The following KAT14 variants were observed in gnomAD, a reference collection of about 807,000 sequenced individuals.
KAT14 encodes cysteine-rich protein 2-binding protein.
A neutral mutation model predicts 78.4 loss-of-function variants in KAT14; 66 were observed. The ratio of observed to expected loss-of-function variants is 0.84; its 90% confidence interval spans 0.69 to 1.03. KAT14 has a LOEUF of 1.03. KAT14 is among the 50% of genes least tolerant of loss of function. KAT14 has a pLI of 0.00. For synonymous variants in KAT14, 344 were observed against 359.4 expected, an observed-to-expected ratio of 0.96 and a Z score of 0.48; for missense variants, 870 against 972.5, an observed-to-expected ratio of 0.89 and a Z score of 1.40.
rs143644770 is a variant in KAT14, at chr20:18,185,336, G to T, written c.2172+544G>T. 8.8e-4 allele frequency among the ~76,000 whole-genome samples: 134 copies of T among 152,006 alleles called. 1 individual carries two copies. Among genetic ancestry groups the T allele is most frequent in the Non-Finnish European group, 9.9e-4 (67 of 67,970 alleles). ...GTGATTTTCCCGCCTCAGCCTTCTG[G>T]GTAGCCAGGACCACAGGTGCACACT... On this transcript the variant is annotated intron_variant, in intron 10 of 10. Transcript: ENST00000688188.
At chr20:18,184,177 G>A (rs1568676258) in intron 9 of KAT14, among the ~76,000 whole-genome samples, 2 of 152,144 alleles carry the variant, frequency 1.3e-5, no homozygotes, top group South Asian at 2.1e-4. Context: ...TATATGTGTG[G>A]GGGGTAAAGG....
intron 7 of KAT14, among the ~76,000 whole-genome samples, chr20:18,169,885 A>G (rs1370198792): frequency 6.6e-6 from 1 of 152,220 alleles, no homozygotes; most frequent in Non-Finnish European, 1.5e-5. Flanking sequence ...CAACTGATAA[A>G]AAATCGAAGT....
chr20:18,161,842 T>C lies in KAT14; in HGVS notation c.702T>C (p.Asp234=). The C allele has an allele frequency of 6.2e-7, 1 of 1,613,490 alleles. No homozygotes were observed. Among genetic ancestry groups the C allele is most frequent in the Non-Finnish European group, 8.5e-7 (1 of 1,179,876 alleles). ...TAGCAGCCTCAAAACCAACTTTAGA[T>C]CCCATCATTACTGTTGAGGGACTTA... ...LKIKASKPTL[D]PIITVEGLRK... The change falls in exon 6 of 11, where the codon GAT becomes GAC. Residue 234 remains aspartate (D), a synonymous_variant. Coordinates refer to ENST00000688188, the MANE Select transcript of KAT14 (RefSeq NM_001392073.1).
intron 4 of KAT14, among the ~76,000 whole-genome samples, chr20:18,151,245 A>G (rs1012538949): frequency 2.0e-5 from 3 of 151,836 alleles, no homozygotes; most frequent in African/African-American, 7.3e-5. Flanking sequence ...CCCCCAGGCT[A>G]GAGTGCAGTG....
At chr20:18,170,557 C>T (rs534766285) in intron 7 of KAT14, among the ~76,000 whole-genome samples, 80 of 152,270 alleles carry the variant, frequency 5.3e-4, no homozygotes, top group African/African-American at 1.5e-3. Flanking sequence ...TTTTTTGAGA[C>T]GGAGTCTTGC....
rs751009885 is a variant in KAT14 at position 18,161,861 on chromosome 20, G to T, written c.721G>T (p.Gly241Ter). 6.2e-7 allele frequency: 1 copy of T among 1,614,060 alleles called. No individual in the cohort carries two copies. The highest frequency in any genetic ancestry group is 1.1e-5 in the South Asian group (1 of 91,076). ...PTLDPIITVEGLRKRASRNPV... is the reference protein window; with the variant it reads ...PTLDPIITVE ...TTTAGATCCCATCATTACTGTTGAG[G>T]GACTTAGAAAACGAGCAAGTCGGAA... The change falls in exon 6 of 11, where the codon GGA becomes TGA. Residue 241 changes from glycine to a stop codon, truncating the protein, a stop_gained. Transcript: ENST00000688188. LOFTEE classifies it high-confidence loss of function.
At chr20:18,150,281 G>C (rs1185947865) in intron 3 of KAT14, among the ~76,000 whole-genome samples, 3 of 152,194 alleles carry the variant, frequency 2.0e-5, no homozygotes, top group African/African-American at 7.2e-5. Flanking sequence ...CGAGTAGATA[G>C]ATGGCATGTA....
chr20:18,140,272 C>A (rs995443332), intron 1 of KAT14, among the ~76,000 whole-genome samples: 3 of 151,762 alleles, frequency 2.0e-5, no homozygotes, highest in African/African-American at 7.3e-5. Context: ...CCGTTTTTGT[C>A]TCAGTGGTGA....
chr20:18,168,729 GTGTT>G (rs1364899445), intron 7 of KAT14, among the ~76,000 whole-genome samples: 1 of 151,980 alleles, frequency 6.6e-6, no homozygotes, highest in Admixed American at 6.6e-5. Flanking sequence ...CACAGAAATT[GTGTT>G]TGTTCTCATT....
intron 2 of KAT14, chr20:18,143,277 C>CAAAGTAA: frequency 1.5e-6 from 1 of 688,526 alleles, no homozygotes; most frequent in Non-Finnish European, 1.9e-6. Flanking sequence ...ATAAAAATTA[C>CAAAGTAA]TTTGTTAATA....
intron 9 of KAT14, among the ~76,000 whole-genome samples, 179 bp from the exon 10 acceptor site, chr20:18,184,423 T>C (rs896232777): frequency 4.6e-5 from 7 of 151,896 alleles, no homozygotes; most frequent in African/African-American, 1.5e-4. Context: ...CAATATTTTC[T>C]AAAATTCACT....
At position 18,187,674 on chromosome 20, in the gene KAT14, C is replaced by T. The variant is rs2039491748; in HGVS notation, c.*215C>T. ...CTCCAGTCCTTCCTGGAGATGCCTTCAGCCAGCATCCCAGACTCCACAGTT... is the reference window on the plus strand; with the variant it reads ...CTCCAGTCCTTCCTGGAGATGCCTTTAGCCAGCATCCCAGACTCCACAGTT... On this transcript the variant is annotated 3_prime_UTR_variant, in exon 11 of 11. Transcript: ENST00000688188. 1.7e-6 allele frequency: 1 copy of T among 590,802 alleles called. No individual in the cohort carries two copies. Among genetic ancestry groups the T allele is most frequent in the South Asian group, 2.3e-5 (1 of 42,860 alleles). 36.6% of individuals were successfully genotyped at this position (590,802 alleles called of 1,614,324 possible).
At position 18,187,798 on chromosome 20, in the gene KAT14, A is replaced by G. The variant is rs76511550; in HGVS notation, c.*339A>G. ...CTTGGAGAGAGATAACCTGTCTGTC[A>G]TAACTTAAAGGATGAGAAAATGTGG... is the stretch of plus-strand genomic sequence containing the variant. On this transcript the variant is annotated 3_prime_UTR_variant, in exon 11 of 11. Transcript: ENST00000688188. The G allele has an allele frequency of 6.2e-3, 1,870 of 303,160 alleles. 46 individuals carry two copies. Among genetic ancestry groups the G allele is most frequent in the African/African-American group, 0.04 (1,749 of 44,260 alleles). The allele number at this position is 303,160 out of a possible 1,614,324, so 18.8% of individuals were successfully genotyped here.
chr20:18,166,088 G>A (rs1260876376), intron 7 of KAT14, among the ~76,000 whole-genome samples: 1 of 152,178 alleles, frequency 6.6e-6, no homozygotes, highest in Non-Finnish European at 1.5e-5. Context: ...TCGGTGCTGC[G>A]AAGAAAAGTC....
intron 3 of KAT14, among the ~76,000 whole-genome samples, chr20:18,147,014 T>G (rs1288867872): frequency 4.6e-5 from 7 of 152,176 alleles, no homozygotes; most frequent in African/African-American, 1.7e-4. Context: ...TACTTAATTT[T>G]GATAATAAAC....
chr20:18,183,615 T>A (rs2039346917), intron 9 of KAT14: 1 of 839,804 alleles, frequency 1.2e-6, no homozygotes, highest in African/African-American at 1.8e-5. Flanking sequence ...GACTGGTAGC[T>A]TGGGCGTGTT....
chr20:18,186,007 A>AG (rs1228912984), intron 10 of KAT14, among the ~76,000 whole-genome samples: 5 of 152,116 alleles, frequency 3.3e-5, no homozygotes, highest in Non-Finnish European at 7.4e-5. Context: ...CCCAACCAAG[A>AG]GTTGATCTCT....
At chr20:18,139,037 C>T (rs1408812678) in intron 1 of KAT14, among the ~76,000 whole-genome samples, 1 of 152,166 alleles carries the variant, frequency 6.6e-6, no homozygotes, top group Non-Finnish European at 1.5e-5. Context: ...CTTGATTTGC[C>T]TACCCAGACC....
chr20:18,145,407 G>A (rs924536945), intron 3 of KAT14, 56 bp downstream of exon 3: 19 of 1,596,520 alleles, frequency 1.2e-5, no homozygotes, highest in African/African-American at 1.4e-5. Context: ...GGAGTTTGTT[G>A]GAACGAATAT....
Sources: allele counts gnomAD v4.1 joint callset (sites outside exome capture counted in the v4.1 genomes callset), GRCh38; gene constraint gnomAD v4.1.1; transcripts MANE v1.5; gene names NCBI Gene and HGNC (gene_info 2026-07-23, HGNC 2026-07-21).